Variants in RDH10 observed in about 807,000 individuals in gnomAD.
RDH10 encodes the protein retinol dehydrogenase 10 (all-trans).
Under a neutral mutation model 30.2 loss-of-function variants are expected in RDH10, and 12 were observed. The observed-to-expected ratio is 0.40, with a 90% CI of 0.25 to 0.64. The LOEUF (loss-of-function observed/expected upper bound fraction) is 0.64. RDH10 is among the 30% of genes least tolerant of loss of function. RDH10 has a pLI of 0.43. For missense variants in RDH10, 268 were observed against 445.2 expected (o/e 0.60, Z 3.58); for synonymous variants, 189 against 172.2 (o/e 1.10, Z -0.76).
chr8:73,310,045 G>A lies in RDH10; in HGVS notation c.526-9051G>A, dbSNP rs74800969. ...CTCCTGATGCCTGATTCTCCCATTGGAGATTCTGGTATAATTGGTCTGAGA... is the reference window on the plus strand; with the variant it reads ...CTCCTGATGCCTGATTCTCCCATTGAAGATTCTGGTATAATTGGTCTGAGA... On this transcript the variant is annotated intron_variant, in intron 2 of 5. Transcript: ENST00000240285. 6.2e-3 allele frequency among the ~76,000 whole-genome samples: 942 copies of A among 152,298 alleles called. 12 individuals carry two copies. Among genetic ancestry groups the A allele is most frequent in the African/African-American group, 0.022 (897 of 41,548 alleles).
At chr8:73,308,146 A>G (rs1428170462) in intron 2 of RDH10, among the ~76,000 whole-genome samples, 1 of 152,224 alleles carries the variant, frequency 6.6e-6, no homozygotes, top group Non-Finnish European at 1.5e-5. Context: ...GGGCTCTTCT[A>G]CAAGGACTGG....
Position 73,318,827 on chromosome 8 carries a change from A to G in RDH10, c.526-269A>G, listed in dbSNP as rs1017664207. On this transcript the variant is annotated intron_variant, in intron 2 of 5. Transcript: ENST00000240285. ...AAAGGTAATTAAGAAGCTTCTGCCA[A>G]TGGCTCTCTTTTTATCTCTAGACAC... 2.1e-4 allele frequency among the ~76,000 whole-genome samples: 32 copies of G among 152,316 alleles called. 1 individual carries two copies. Among genetic ancestry groups the G allele is most frequent in the Admixed American group, 1.1e-3 (17 of 15,302 alleles).
At position 73,323,095 on chromosome 8, in the gene RDH10, G is replaced by C; in HGVS notation, c.*59G>C. The C allele has an allele frequency of 7.5e-7, 1 of 1,328,428 alleles. No homozygotes were observed. 82.3% of individuals were successfully genotyped at this position (1,328,428 alleles called of 1,614,324 possible). On this transcript the variant is annotated 3_prime_UTR_variant, in exon 6 of 6. Coordinates refer to ENST00000240285, the MANE Select transcript of RDH10 (RefSeq NM_172037.5). ...AAGATGATCAAGATGTTTCAGTCCA[G>C]TGCACATCAGCATTGCTGACATTTT...
In RDH10 at chr8:73,324,769, A is replaced by G. The variant is rs1227760963; in HGVS notation, c.*1733A>G. The G allele has an allele frequency of 2.0e-5, 3 of 152,322 alleles. No individual in the cohort carries two copies. The highest frequency in any genetic ancestry group is 4.4e-5 in the Non-Finnish European group (3 of 68,026). The allele number at this position is 152,322 out of a possible 1,614,324, so 9.4% of individuals were successfully genotyped here. A position where few individuals can be genotyped will look rare whatever the true frequency, so the allele number is the denominator to read the frequency against. The stretch of plus-strand genomic sequence containing the variant: ...GAGACTTGATTAAGGGCTTGTTTGT[A>G]CCAAAAGTGGGGAAACAATGCCATG... On this transcript the variant is annotated 3_prime_UTR_variant, in exon 6 of 6. Transcript: ENST00000240285.
chr8:73,322,555 A>G, intron 4 of RDH10, 124 bp from the exon 5 acceptor site: 1 of 814,378 alleles, frequency 1.2e-6, no homozygotes, highest in Non-Finnish European at 1.9e-6. Context: ...AGCACTATGA[A>G]GAAAACAAAA....
chr8:73,314,717 C>T (rs778749190), intron 2 of RDH10, among the ~76,000 whole-genome samples: 1 of 152,170 alleles, frequency 6.6e-6, no homozygotes, highest in African/African-American at 2.4e-5. Flanking sequence ...CTCTCAGTTC[C>T]CTCCGCGCAG....
chr8:73,295,167 GC>G lies in RDH10; in HGVS notation c.-122del. Reference sequence around the variant, plus strand: ...CCCGGCGGGCACCTCGGGGGCGGGCGCGGGGCGCAGCCTTCTCGTCCCGGCC... The same window carrying G: ...CCCGGCGGGCACCTCGGGGGCGGGCGGGGGCGCAGCCTTCTCGTCCCGGCC... On this transcript the variant is annotated 5_prime_UTR_variant, in exon 1 of 6. Coordinates refer to ENST00000240285, the MANE Select transcript of RDH10 (RefSeq NM_172037.5). 1 of 954,990 alleles carries G rather than the reference GC, an allele frequency of 1.0e-6. No individual in the cohort carries two copies. The highest frequency in any genetic ancestry group is 2.1e-5 in the South Asian group (1 of 47,872). The allele number at this position is 954,990 out of a possible 1,614,324, so 59.2% of individuals were successfully genotyped here.
Position 73,296,244 on chromosome 8 carries a change from T to G in RDH10, c.289+666T>G, listed in dbSNP as rs1254839426. ...TATTAACTAACCTGAATCTGAGTTG[T>G]TTTTTTTTTTAAGCCAAAGCAAAGT... On this transcript the variant is annotated intron_variant, in intron 1 of 5. Transcript: ENST00000240285. Among the ~76,000 whole-genome samples the G allele has an allele frequency of 4.8e-5, 7 of 146,204 alleles. No individual in the cohort carries two copies. In the South Asian group the frequency reaches 1.3e-3, roughly 27 times the overall value.
rs1383881830 is a variant in RDH10, at chr8:73,324,421, A to T, written c.*1385A>T. 6.6e-6 allele frequency: 1 copy of T among 152,574 alleles called. No individual in the cohort carries two copies. The highest frequency in any genetic ancestry group is 1.5e-5 in the Non-Finnish European group (1 of 68,024). 9.5% of individuals were successfully genotyped at this position (152,574 alleles called of 1,614,324 possible). Reference sequence around the variant, plus strand: ...AATGTATACCATCCACTTGTAAATGACTATAAACTATTATGTGATTGCTTT... The same window carrying T: ...AATGTATACCATCCACTTGTAAATGTCTATAAACTATTATGTGATTGCTTT... On this transcript the variant is annotated 3_prime_UTR_variant, in exon 6 of 6. Coordinates refer to ENST00000240285, the MANE Select transcript of RDH10 (RefSeq NM_172037.5).
intron 4 of RDH10, chr8:73,322,005 T>C (rs965166264): frequency 3.9e-5 from 18 of 456,102 alleles, no homozygotes; most frequent in Admixed American, 3.1e-4. Flanking sequence ...TTTCCTCTTA[T>C]GTACTTGGGA....
chr8:73,322,447 T>A (rs188268180), intron 4 of RDH10: 14 of 463,872 alleles, frequency 3.0e-5, no homozygotes. Context: ...TTTCATCTTA[T>A]GGAAAAGCAG....
intron 2 of RDH10, among the ~76,000 whole-genome samples, chr8:73,304,955 G>A (rs1814442473): frequency 6.6e-6 from 1 of 152,130 alleles, no homozygotes; most frequent in Non-Finnish European, 1.5e-5. Context: ...ATTCCTGGAA[G>A]GAAGCAAAGT....
At position 73,319,084 on chromosome 8, in the gene RDH10, A is replaced by C. The variant is rs2130379827; in HGVS notation, c.526-12A>C. On this transcript the variant is annotated splice_polypyrimidine_tract_variant and intron_variant, in intron 2 of 5. Transcript: ENST00000240285. ...AAATCAGTTCTAAAACTTGAATCTT[A>C]CTTTGTTTCAGACCACTAAGGCTTT... is the stretch of plus-strand genomic sequence containing the variant. The C allele has an allele frequency of 1.9e-6, 3 of 1,569,646 alleles. No individual in the cohort carries two copies. Among genetic ancestry groups the C allele is most frequent in the East Asian group, 2.3e-5 (1 of 44,380 alleles).
intron 2 of RDH10, among the ~76,000 whole-genome samples, chr8:73,313,980 T>C (rs1332035913): frequency 6.6e-6 from 1 of 152,216 alleles, no homozygotes; most frequent in Non-Finnish European, 1.5e-5. Flanking sequence ...CCCTCTCAGA[T>C]CCACCCATGC....
intron 2 of RDH10, among the ~76,000 whole-genome samples, chr8:73,318,813 A>C (rs1814717861): frequency 6.6e-6 from 1 of 152,246 alleles, no homozygotes; most frequent in African/African-American, 2.4e-5. Flanking sequence ...AAGGTAATTA[A>C]GAAGCTTCTG....
chr8:73,300,576 C>T (rs774461097), intron 2 of RDH10: 5 of 152,176 alleles, frequency 3.3e-5, no homozygotes, highest in Admixed American at 1.3e-4. Flanking sequence ...TTTAAGTAAC[C>T]GTTAATATCT....
At chr8:73,302,215 T>C (rs895296711) in intron 2 of RDH10, among the ~76,000 whole-genome samples, 1 of 152,224 alleles carries the variant, frequency 6.6e-6, no homozygotes, top group African/African-American at 2.4e-5. Flanking sequence ...AACCTTCTCC[T>C]GGTCACCAGT....
intron 2 of RDH10, among the ~76,000 whole-genome samples, chr8:73,302,949 C>A (rs1193097349): frequency 6.6e-6 from 1 of 152,180 alleles, no homozygotes; most frequent in Admixed American, 6.5e-5. Context: ...GCATTTAACT[C>A]CAGGCCTTTT....
chr8:73,314,154 T>C (rs897877466), intron 2 of RDH10, among the ~76,000 whole-genome samples: 1 of 152,166 alleles, frequency 6.6e-6, no homozygotes, highest in African/African-American at 2.4e-5. Flanking sequence ...GGTCTCTATC[T>C]CATACATGCT....
Sources: gnomAD v4.1 joint callset for allele counts (sites outside exome capture counted in the v4.1 genomes callset) on GRCh38, gnomAD v4.1.1 for gene constraint, MANE v1.5 for transcripts, NCBI Gene and HGNC (gene_info 2026-07-23, HGNC 2026-07-21) for gene names.